ARAP1: variants seen among roughly 807,000 people sequenced by gnomAD.
ARAP1 encodes arf-GAP with Rho-GAP domain, ANK repeat and PH domain-containing protein 1.
A neutral mutation model predicts 172.2 loss-of-function variants in ARAP1; 76 were observed. That is an observed-to-expected ratio of 0.44 (90% CI 0.37 to 0.53). ARAP1 has a LOEUF of 0.53. Among genes scored for constraint, ARAP1 ranks in the 20% least tolerant of loss-of-function variants. ARAP1 has a pLI of 0.00. For synonymous variants in ARAP1, 804 were observed against 803.3 expected (o/e 1.00, Z -0.01); for missense variants, 1,686 against 1,977.5 (o/e 0.85, Z 2.80).
intron 3 of ARAP1, among the ~76,000 whole-genome samples, chr11:72,724,473 C>T (rs12792317): frequency 9.3e-4 from 141 of 152,232 alleles, no homozygotes; most frequent in African/African-American, 3.1e-3. Flanking sequence ...GTGTTCCTCT[C>T]TACATGCCAT....
intron 21 of ARAP1, 55 bp downstream of exon 21, chr11:72,697,268 G>A: frequency 1.9e-6 from 3 of 1,586,768 alleles, no homozygotes; most frequent in Middle Eastern, 1.7e-4. Context: ...CAGCTCTGGG[G>A]CGGGAGGCGG....
chr11:72,687,775 A>G (rs763991166), intron 31 of ARAP1, 37 bp from the exon 32 acceptor site: 3 of 1,611,884 alleles, frequency 1.9e-6, no homozygotes, highest in Non-Finnish European at 2.5e-6. Context: ...GGTGTTTGAC[A>G]GGCCATAGAG....
At chr11:72,707,758 G>A (rs544876281) in intron 11 of ARAP1, among the ~76,000 whole-genome samples, 4 of 152,288 alleles carry the variant, frequency 2.6e-5, no homozygotes, top group African/African-American at 9.6e-5. Context: ...GGAGACAGAA[G>A]GGCAGACTGG....
At chr11:72,694,620 T>C (rs191985157) in intron 27 of ARAP1, among the ~76,000 whole-genome samples, 10 of 152,168 alleles carry the variant, frequency 6.6e-5, no homozygotes, top group South Asian at 2.1e-4. Flanking sequence ...CCCACGAGGA[T>C]AGGGACTGTG....
At position 72,710,734 on chromosome 11, in the gene ARAP1, G is replaced by T; in HGVS notation, c.1214-147C>A. 1.9e-6 allele frequency: 2 copies of T among 1,028,822 alleles called. No individual in the cohort carries two copies. Among genetic ancestry groups the T allele is most frequent in the Non-Finnish European group, 2.8e-6 (2 of 725,464 alleles). 63.7% of individuals were successfully genotyped at this position (1,028,822 alleles called of 1,614,324 possible). On this transcript the variant is annotated intron_variant, in intron 9 of 34. Transcript: ENST00000393609. This position sits in a 1 kb window ranked among gnomAD's most constrained non-coding sequence, Gnocchi z 4.3. ...TGCTTGACTTCTCTGACTTGAACGAGCTCAGGCTCCAATCCCAGCTATGCC... is the reference window on the plus strand; with the variant it reads ...TGCTTGACTTCTCTGACTTGAACGATCTCAGGCTCCAATCCCAGCTATGCC...
Position 72,707,210 on chromosome 11 carries a change from A to G in ARAP1, c.1688T>C (p.Ile563Thr), listed in dbSNP as rs769971635. The G allele has an allele frequency of 6.2e-7, 1 of 1,603,030 alleles. No individual in the cohort carries two copies. Among genetic ancestry groups the G allele is most frequent in the Non-Finnish European group, 8.5e-7 (1 of 1,174,770 alleles). Reference protein sequence around the residue: ...CGAPQPDWASINLCVVICKRC... With the variant: ...CGAPQPDWASTNLCVVICKRC... ...CTTGCAGATAACAACACAGAGGTTG[A>G]TGGAGGCCCAGTCAGGCTGAGGAGC... is the stretch of plus-strand genomic sequence containing the variant. Residue 563 changes from isoleucine (I) to threonine (T), a missense_variant, in exon 12 of 35, where the codon ATC (isoleucine) becomes ACC (threonine). This residue lies in a region of ARAP1 where 688 missense variants were observed against 856.9 expected (regional missense o/e 0.80). Coordinates refer to ENST00000393609, the MANE Select transcript of ARAP1 (RefSeq NM_001040118.3).
chr11:72,708,158 A>G (rs528166854), intron 11 of ARAP1: 1 of 151,904 alleles, frequency 6.6e-6, no homozygotes, highest in African/African-American at 2.4e-5. Context: ...CCATGAGTCT[A>G]CTCCACCCAT....
chr11:72,735,262 G>A (rs1461770873), intron 1 of ARAP1, among the ~76,000 whole-genome samples: 1 of 151,944 alleles, frequency 6.6e-6, no homozygotes, highest in Admixed American at 6.5e-5. Context: ...GATTACAGGC[G>A]TGAGCCACCA....
intron 3 of ARAP1, among the ~76,000 whole-genome samples, chr11:72,721,626 G>A (rs1287748645): frequency 6.6e-6 from 1 of 152,110 alleles, no homozygotes; most frequent in African/African-American, 2.4e-5. Context: ...GAAAGCCCAG[G>A]GAAGAGGGAG....
At chr11:72,746,149 C>T (rs1256882080) in intron 1 of ARAP1, among the ~76,000 whole-genome samples, 1 of 152,182 alleles carries the variant, frequency 6.6e-6, no homozygotes, top group Non-Finnish European at 1.5e-5. Context: ...TAGCCAGCCA[C>T]CAGCCCTCCC....
intron 13 of ARAP1, 142 bp downstream of exon 13, chr11:72,705,663 C>T (rs937040727): frequency 2.3e-6 from 2 of 857,584 alleles, no homozygotes; most frequent in African/African-American, 1.7e-5. Context: ...TTTCCGAAAT[C>T]CCCACCCACT....
chr11:72,721,981 C>G, intron 3 of ARAP1: 2 of 986,048 alleles, frequency 2.0e-6, no homozygotes, highest in Non-Finnish European at 2.4e-6. Context: ...CGCAAACAGC[C>G]TGGCCCCTGG....
At chr11:72,712,124 G>C in intron 7 of ARAP1, 72 bp downstream of exon 7, 3 of 1,480,352 alleles carry the variant, frequency 2.0e-6, no homozygotes, top group Middle Eastern at 2.5e-4. Context: ...TGATACCAGT[G>C]TCCTGGGGTC....
At chr11:72,739,340 T>C (rs1018592866) in intron 1 of ARAP1, among the ~76,000 whole-genome samples, 32 of 152,264 alleles carry the variant, frequency 2.1e-4, no homozygotes, top group African/African-American at 7.7e-4. Context: ...CCATGTGTGG[T>C]GTGGCCTGTC....
intron 1 of ARAP1, among the ~76,000 whole-genome samples, chr11:72,735,975 T>TGA (rs1858011050): frequency 1.3e-5 from 2 of 152,124 alleles, no homozygotes; most frequent in Admixed American, 1.3e-4. Context: ...TCAACCAGGC[T>TGA]GAGGTAAGGG....
intron 3 of ARAP1, among the ~76,000 whole-genome samples, chr11:72,715,211 G>C (rs1337480940): frequency 1.3e-5 from 2 of 152,232 alleles, no homozygotes; most frequent in African/African-American, 4.8e-5. Context: ...CAGGGTGCTA[G>C]AAGGATTAAC....
At chr11:72,717,881 T>C (rs984839836) in intron 3 of ARAP1, among the ~76,000 whole-genome samples, 4 of 152,206 alleles carry the variant, frequency 2.6e-5, no homozygotes, top group Non-Finnish European at 4.4e-5. Flanking sequence ...GTACCACAGC[T>C]GAGCAAATGA....
At chr11:72,719,489 C>A (rs563428939) in intron 3 of ARAP1, among the ~76,000 whole-genome samples, 1 of 152,172 alleles carries the variant, frequency 6.6e-6, no homozygotes, top group East Asian at 1.9e-4. Context: ...CCTTCCTCTC[C>A]GAGCCTCAGT....
rs1565211063 is a variant in ARAP1 at position 72,695,046 on chromosome 11, G to A, written c.3628C>T (p.Arg1210Trp). ...TCCTTCTCCCTGATGCCCACGTTCCGGCGATCCAGGATCTCCAGGGTGAGC... is the reference window on the plus strand; with the variant it reads ...TCCTTCTCCCTGATGCCCACGTTCCAGCGATCCAGGATCTCCAGGGTGAGC... The part of the protein sequence containing the change: ...EELTLEILDR[R>W]NVGIREKDYW... Residue 1210 changes from arginine (R) to tryptophan (W), a missense_variant, in exon 27 of 35, where the codon CGG becomes TGG. This residue lies in a region of ARAP1 where 379 missense variants were observed against 500.1 expected (regional missense o/e 0.76). Transcript: ENST00000393609. The surrounding 1 kb of genome is among the most constrained non-coding windows in gnomAD (Gnocchi z 4.4). The A allele has an allele frequency of 6.2e-6, 10 of 1,613,968 alleles. No homozygotes were observed. The highest frequency in any genetic ancestry group is 3.3e-5 in the Admixed American group (2 of 59,996).
Sources: allele counts gnomAD v4.1 joint callset (sites outside exome capture counted in the v4.1 genomes callset), GRCh38; gene constraint gnomAD v4.1.1; regional missense constraint gnomAD v4.1.1; non-coding constraint Gnocchi (gnomAD v3.1); transcripts MANE v1.5; gene names NCBI Gene and HGNC (gene_info 2026-07-23, HGNC 2026-07-21).